ERICH3: variants seen among roughly 807,000 people sequenced by gnomAD.
ERICH3 encodes glutamate-rich protein 3.
A neutral mutation model predicts 131.1 loss-of-function variants in ERICH3; 126 were observed. The ratio of observed to expected loss-of-function variants is 0.96; its 90% CI spans 0.83 to 1.11. The LOEUF is 1.11. Among genes scored for constraint, ERICH3 ranks in the 50% most tolerant of loss-of-function variants. ERICH3 has a pLI of 0.00. For synonymous variants in ERICH3, 695 were observed against 644.6 expected (o/e 1.08, Z -1.18); for missense variants, 2,050 against 1,810.7 (o/e 1.13, Z -2.40).
chr1:74,580,804 T>C (rs1472648393), intron 12 of ERICH3, among the ~76,000 whole-genome samples: 1 of 152,182 alleles, frequency 6.6e-6, no homozygotes, highest in Non-Finnish European at 1.5e-5. Flanking sequence ...GGGGTACATA[T>C]GCAGGTTTCC....
chr1:74,662,218 G>T (rs980731135), intron 1 of ERICH3, among the ~76,000 whole-genome samples: 1 of 152,078 alleles, frequency 6.6e-6, no homozygotes, highest in Non-Finnish European at 1.5e-5. Flanking sequence ...CCAAGGATTG[G>T]AATCTCAATA....
chr1:74,661,765 C>T (rs1428210182), intron 1 of ERICH3, among the ~76,000 whole-genome samples: 1 of 152,062 alleles, frequency 6.6e-6, no homozygotes, highest in East Asian at 1.9e-4. Context: ...ATTTATTAGC[C>T]CCGTATTTTT....
intron 9 of ERICH3, among the ~76,000 whole-genome samples, chr1:74,607,419 A>G (rs917052486): frequency 6.6e-6 from 1 of 152,042 alleles, no homozygotes; most frequent in East Asian, 1.9e-4. Flanking sequence ...TTAACAACAC[A>G]ACAACAGTAA....
intron 11 of ERICH3, among the ~76,000 whole-genome samples, chr1:74,591,652 C>T (rs2100564603): frequency 6.6e-6 from 1 of 152,230 alleles, no homozygotes; most frequent in South Asian, 2.1e-4. Context: ...GTAGCCACAG[C>T]TGGTTTATGT....
At position 74,571,444 on chromosome 1, in the gene ERICH3, T is replaced by C; in HGVS notation, c.4266A>G (p.Thr1422=). 6.2e-7 allele frequency: 1 copy of C among 1,614,046 alleles called. No homozygotes were observed. The highest frequency in any genetic ancestry group is 2.2e-5 in the East Asian group (1 of 44,844). Residue 1422 remains threonine, a synonymous_variant, in exon 14 of 15, where the codon ACA becomes ACG. Transcript: ENST00000326665. ...CCCCAGCCTCTGTTGTATATGTCAC[T>C]GTCATCTCCTCTGCTGCTGGCACTT... ...GEEVPAAEEM[T]VTYTTEAGVG...
intron 9 of ERICH3, among the ~76,000 whole-genome samples, chr1:74,609,321 C>T (rs891351382): frequency 6.6e-6 from 1 of 151,970 alleles, no homozygotes; most frequent in Non-Finnish European, 1.5e-5. Context: ...TTTATTGTAC[C>T]ATGCCCTCCT....
chr1:74,607,286 CAT>C (rs1240263527), intron 9 of ERICH3, among the ~76,000 whole-genome samples: 8 of 151,884 alleles, frequency 5.3e-5, no homozygotes, highest in Admixed American at 5.3e-4. Context: ...TACATAAAGA[CAT>C]ATCTCAAGTC....
At chr1:74,581,227 T>C (rs549148231) in intron 12 of ERICH3, among the ~76,000 whole-genome samples, 46 of 152,174 alleles carry the variant, frequency 3.0e-4, no homozygotes, top group Non-Finnish European at 5.4e-4. Flanking sequence ...ATAGTTGGAG[T>C]GATTTCCCAT....
chr1:74,580,693 T>C (rs1014809328), intron 12 of ERICH3, among the ~76,000 whole-genome samples: 51 of 152,302 alleles, frequency 3.3e-4, no homozygotes, highest in African/African-American at 1.1e-3. Flanking sequence ...CTATACAATG[T>C]ACATTCTTCT....
chr1:74,586,927 C>T (rs567669920), intron 12 of ERICH3, among the ~76,000 whole-genome samples: 1 of 152,184 alleles, frequency 6.6e-6, no homozygotes, highest in East Asian at 1.9e-4. Context: ...TGTGATAAAC[C>T]TATGAGTAAT....
rs1265395250 is a variant in ERICH3, at chr1:74,631,754, G to T, written c.778C>A (p.Pro260Thr). Residue 260 changes from proline (P) to threonine (T), a missense_variant, in exon 7 of 15, where the codon CCA (proline) becomes ACA (threonine). Physicochemically the swap from Pro to Thr is conservative, Grantham distance 38. Transcript: ENST00000326665. ...TCTAAGCCATTTGGAGCAGTGGTTGGACGAAATCTTCTCCTTCTCCATGTT... is the reference window on the plus strand; with the variant it reads ...TCTAAGCCATTTGGAGCAGTGGTTGTACGAAATCTTCTCCTTCTCCATGTT... ...SETWRRRRFR[P>T]TTAPNGLEPL... 1 of 1,613,476 alleles carries T rather than the reference G, an allele frequency of 6.2e-7. No individual in the cohort carries two copies. Among genetic ancestry groups the T allele is most frequent in the Non-Finnish European group, 8.5e-7 (1 of 1,179,586 alleles).
At chr1:74,629,220 G>C (rs1205473207) in intron 7 of ERICH3, among the ~76,000 whole-genome samples, 1 of 151,452 alleles carries the variant, frequency 6.6e-6, no homozygotes, top group Non-Finnish European at 1.5e-5. Context: ...TAGAATGTGT[G>C]GAAGATAAAA....
intron 2 of ERICH3, among the ~76,000 whole-genome samples, 159 bp from the exon 3 acceptor site, chr1:74,646,951 G>A (rs900337246): frequency 1.8e-4 from 27 of 148,066 alleles, no homozygotes; most frequent in Non-Finnish European, 3.4e-4. Context: ...CATTGGGGAG[G>A]CAGGGAGGGA....
At chr1:74,595,978 C>T (rs180949601) in intron 11 of ERICH3, among the ~76,000 whole-genome samples, 16 of 152,150 alleles carry the variant, frequency 1.1e-4, no homozygotes, top group Non-Finnish European at 5.9e-5. Context: ...TCCAACGGTG[C>T]GTCTCACAGC....
intron 12 of ERICH3, chr1:74,586,365 T>A (rs1284454312): frequency 1.1e-6 from 1 of 937,976 alleles, no homozygotes; most frequent in Non-Finnish European, 1.3e-6. Flanking sequence ...TATTAATATA[T>A]CTATACCTAT....
At chr1:74,664,071 T>A (rs1313492988) in intron 1 of ERICH3, among the ~76,000 whole-genome samples, 2 of 152,188 alleles carry the variant, frequency 1.3e-5, no homozygotes, top group Admixed American at 1.3e-4. Context: ...TGTATGGTAC[T>A]TGTTGGTATA....
At chr1:74,636,567 T>C in intron 5 of ERICH3, 129 bp from the exon 6 acceptor site, 1 of 905,874 alleles carries the variant, frequency 1.1e-6, no homozygotes, top group South Asian at 2.1e-5. Context: ...AAACTTTAAT[T>C]ATGTCCTTCC....
chr1:74,606,597 T>C lies in ERICH3; in HGVS notation c.1489+4A>G, dbSNP rs374308871. 3.8e-6 allele frequency: 6 copies of C among 1,593,998 alleles called. No homozygotes were observed. The Admixed American group carries it at 7.0e-5, about 19-fold the overall frequency. Reference sequence around the variant, plus strand: ...CAACAAAAGAAACTTGTGTTGTTGATTACCATATTTTAAAGTATTTTCCTG... The same window carrying C: ...CAACAAAAGAAACTTGTGTTGTTGACTACCATATTTTAAAGTATTTTCCTG... On this transcript the variant is annotated splice_donor_region_variant and intron_variant, in intron 10 of 14. Coordinates refer to ENST00000326665, the MANE Select transcript of ERICH3 (RefSeq NM_001002912.5).
At chr1:74,591,624 G>T (rs1326798183) in intron 11 of ERICH3, among the ~76,000 whole-genome samples, 1 of 152,108 alleles carries the variant, frequency 6.6e-6, no homozygotes, top group African/African-American at 2.4e-5. Flanking sequence ...CTACAGATTC[G>T]CAGTCTAGAA....
Sources: allele counts gnomAD v4.1 joint callset (sites outside exome capture counted in the v4.1 genomes callset), GRCh38; gene constraint gnomAD v4.1.1; transcripts MANE v1.5; gene names NCBI Gene and HGNC (gene_info 2026-07-23, HGNC 2026-07-21).